The following CCDC18 variants were observed in gnomAD, a reference collection of about 807,000 sequenced individuals.
The protein encoded by CCDC18 is coiled-coil domain-containing protein 18.
A neutral mutation model predicts 196.0 loss-of-function variants in CCDC18; 157 were observed. The observed-to-expected ratio is 0.80, with a 90% CI of 0.70 to 0.91. The LOEUF is 0.91. Ranked by LOEUF, CCDC18 falls within the 40% of genes least tolerant of loss-of-function variation. The pLI is 0.00. For missense variants in CCDC18, 1,465 were observed against 1,611.6 expected (o/e 0.91, Z 1.56); for synonymous variants, 482 against 529.2 (o/e 0.91, Z 1.22).
chr1:93,245,694 A>G (rs1253075133), intron 21 of CCDC18, among the ~76,000 whole-genome samples: 1 of 152,148 alleles, frequency 6.6e-6, no homozygotes, highest in Non-Finnish European at 1.5e-5. Flanking sequence ...GAGAAATACT[A>G]TGGTTAAATG....
chr1:93,265,397 G>C (rs956769255), intron 27 of CCDC18, among the ~76,000 whole-genome samples: 3 of 152,090 alleles, frequency 2.0e-5, no homozygotes, highest in Non-Finnish European at 4.4e-5. Flanking sequence ...TTAAGAAAAA[G>C]TTGAATTAAT....
At chr1:93,266,532 T>C (rs1470955675) in intron 27 of CCDC18, among the ~76,000 whole-genome samples, 3 of 151,826 alleles carry the variant, frequency 2.0e-5, no homozygotes, top group African/African-American at 7.3e-5. Flanking sequence ...ATCAACAAAA[T>C]TGATAGACCG....
chr1:93,203,763 A>G (rs921416749), intron 7 of CCDC18, among the ~76,000 whole-genome samples: 1 of 152,112 alleles, frequency 6.6e-6, no homozygotes, highest in Non-Finnish European at 1.5e-5. Flanking sequence ...CTCAGGAGTT[A>G]GAGGCTGCAT....
At chr1:93,236,222 A>G (rs1047172206) in intron 18 of CCDC18, 26 bp from the exon 19 acceptor site, 3 of 1,541,458 alleles carry the variant, frequency 1.9e-6, no homozygotes, top group Non-Finnish European at 2.6e-6. Context: ...TGAATTTAAA[A>G]TGTTTACTGA....
At chr1:93,264,658 CA>C (rs1238726923) in intron 26 of CCDC18, 42 bp from the exon 27 acceptor site, 1 of 1,213,274 alleles carries the variant, frequency 8.2e-7, no homozygotes, top group Non-Finnish European at 1.2e-6. Flanking sequence ...AGTTTCCTTC[CA>C]TTTTTTTATT....
chr1:93,239,185 A>T, intron 19 of CCDC18, 125 bp from the exon 20 acceptor site: 1 of 679,280 alleles, frequency 1.5e-6, no homozygotes, highest in Non-Finnish European at 2.4e-6. Context: ...TAGGTGATTT[A>T]AAATTCCAAC....
rs1291830276 is a variant in CCDC18, at chr1:93,207,199, G to A, written c.1010G>A (p.Arg337Lys). The change falls in exon 9 of 29, where the codon AGA becomes AAA. Residue 337 changes from arginine (R) to lysine (K), a missense_variant. Coordinates refer to ENST00000690025, the MANE Select transcript of CCDC18 (RefSeq NM_001378204.1). Reference protein sequence around the residue: ...SEVMAQLTESRQSILKLESEL... With the variant: ...SEVMAQLTESKQSILKLESEL... Reference sequence around the variant, plus strand: ...GTCATGGCACAACTAACTGAATCTAGACAAAGTATTTTGAAGCTAGAGAGT... The same window carrying A: ...GTCATGGCACAACTAACTGAATCTAAACAAAGTATTTTGAAGCTAGAGAGT... 2 of 1,611,996 alleles carry A rather than the reference G, an allele frequency of 1.2e-6. No individual in the cohort carries two copies. The highest frequency in any genetic ancestry group is 1.3e-5 in the African/African-American group (1 of 74,876).
At chr1:93,268,928 A>G (rs1664904991) in intron 27 of CCDC18, among the ~76,000 whole-genome samples, 1 of 152,166 alleles carries the variant, frequency 6.6e-6, no homozygotes, top group South Asian at 2.1e-4. Context: ...ATTACTGGGT[A>G]TATACCCAAA....
chr1:93,225,960 A>G (rs1557654698), intron 16 of CCDC18, among the ~76,000 whole-genome samples: 2 of 152,140 alleles, frequency 1.3e-5, no homozygotes, highest in South Asian at 2.1e-4. Context: ...TATCTTGTCA[A>G]TTGTGGCTCC....
rs1299989975 is a variant in CCDC18 at position 93,186,384 on chromosome 1, A to C, written c.343A>C (p.Ser115Arg). The change falls in exon 4 of 29, where the codon AGC (serine) becomes CGC (arginine). Residue 115 changes from serine (S) to arginine (R), a missense_variant. Ser to Arg is a moderately radical substitution (Grantham distance 110, BLOSUM62 -1). Coordinates refer to ENST00000690025, the MANE Select transcript of CCDC18 (RefSeq NM_001378204.1). Reference protein sequence around the residue: ...SSAPVDQEIKSLREKLNKLRQ... With the variant: ...SSAPVDQEIKRLREKLNKLRQ... ...TGCCCCTGTGGATCAGGAGATTAAA[A>C]GCCTTCGAGAGAAACTAAATAAACT... The C allele has an allele frequency of 6.2e-7, 1 of 1,612,210 alleles. No individual in the cohort carries two copies. The highest frequency in any genetic ancestry group is 8.5e-7 in the Non-Finnish European group (1 of 1,178,948).
rs1657539323 is a variant in CCDC18 at position 93,222,208 on chromosome 1, A to C, written c.2175+272A>C. ...GTAAATTGTAAACATTGTACAGATAAAAGGCAATTCAGAGCTGACGATTTG... is the reference window on the plus strand; with the variant it reads ...GTAAATTGTAAACATTGTACAGATACAAGGCAATTCAGAGCTGACGATTTG... On this transcript the variant is annotated intron_variant, in intron 16 of 28. Coordinates refer to ENST00000690025, the MANE Select transcript of CCDC18 (RefSeq NM_001378204.1). Among the ~76,000 whole-genome samples the C allele has an allele frequency of 2.0e-5, 3 of 152,082 alleles. No individual in the cohort carries two copies. In the South Asian group the frequency reaches 6.2e-4, roughly 31 times the overall value.
intron 28 of CCDC18, among the ~76,000 whole-genome samples, chr1:93,274,303 T>A (rs1015797620): frequency 6.6e-6 from 1 of 151,706 alleles, no homozygotes; most frequent in African/African-American, 2.4e-5. Flanking sequence ...CTCAGGAGGC[T>A]GAGGTGGAGA....
chr1:93,268,835 A>T (rs1664894846), intron 27 of CCDC18, among the ~76,000 whole-genome samples: 1 of 152,000 alleles, frequency 6.6e-6, no homozygotes, highest in Admixed American at 6.6e-5. Context: ...GTGGGACTGT[A>T]AACTAGTTCA....
chr1:93,218,747 A>T (rs1032165674), intron 14 of CCDC18, among the ~76,000 whole-genome samples: 10 of 151,888 alleles, frequency 6.6e-5, no homozygotes, highest in Admixed American at 5.9e-4. Flanking sequence ...TGACCTCGTG[A>T]TCTGCCTGGC....
In CCDC18 at chr1:93,252,505, G is replaced by A. The variant is rs879911191; in HGVS notation, c.3199-1966G>A. On this transcript the variant is annotated intron_variant, in intron 23 of 28. Coordinates refer to ENST00000690025, the MANE Select transcript of CCDC18 (RefSeq NM_001378204.1). The stretch of plus-strand genomic sequence containing the variant: ...ATTTTATTCTCTGTTAAGTTTTTTT[G>A]ATAAATTTCTCAATTGATTCCCTGC... 1.2e-4 allele frequency among the ~76,000 whole-genome samples: 18 copies of A among 151,106 alleles called. No individual in the cohort carries two copies. The Admixed American group carries it at 1.2e-3, about 10-fold the overall frequency.
At chr1:93,275,799 C>G (rs145082493) in intron 28 of CCDC18, among the ~76,000 whole-genome samples, 25 of 152,310 alleles carry the variant, frequency 1.6e-4, no homozygotes, top group African/African-American at 5.5e-4. Flanking sequence ...CACTGCCACA[C>G]TTGACTTTAG....
chr1:93,214,643 C>A, intron 11 of CCDC18, 100 bp from the exon 12 acceptor site: 1 of 766,412 alleles, frequency 1.3e-6, no homozygotes, highest in Non-Finnish European at 2.1e-6. Context: ...CTCTTTAGAT[C>A]AGAAACTAAA....
chr1:93,277,675 A>G (rs1391424043), intron 28 of CCDC18, among the ~76,000 whole-genome samples: 1 of 151,714 alleles, frequency 6.6e-6, no homozygotes, highest in Non-Finnish European at 1.5e-5. Context: ...AGTACATAAC[A>G]AAATGGAGTC....
intron 4 of CCDC18, 21 bp from the exon 5 acceptor site, chr1:93,191,979 A>G: frequency 5.8e-6 from 9 of 1,544,408 alleles, no homozygotes; most frequent in Non-Finnish European, 8.0e-6. Flanking sequence ...AAGTACTATA[A>G]AAGTTGTTTT....
Sources: allele counts gnomAD v4.1 joint callset (sites outside exome capture counted in the v4.1 genomes callset), GRCh38; gene constraint gnomAD v4.1.1; transcripts MANE v1.5; gene names NCBI Gene and HGNC (gene_info 2026-07-23, HGNC 2026-07-21).